The following DCAF6 variants were observed in gnomAD, a reference collection of about 807,000 sequenced individuals.
The protein encoded by DCAF6 is DDB1- and CUL4-associated factor 6.
DCAF6 carries 54 observed loss-of-function variants against 125.1 expected under a neutral mutation model. The ratio of observed to expected loss-of-function variants is 0.43; its 90% CI spans 0.35 to 0.54. DCAF6 has a LOEUF of 0.54. DCAF6 is among the 20% of genes least tolerant of loss of function. DCAF6 has a pLI of 0.01. For missense variants in DCAF6, 934 were observed against 1,161.7 expected (o/e 0.80, Z 2.85); for synonymous variants, 371 against 390.4 (o/e 0.95, Z 0.58).
At chr1:167,985,206 T>TGTGTGG (rs1553223574) in intron 4 of DCAF6, among the ~76,000 whole-genome samples, 1 of 146,392 alleles carries the variant, frequency 6.8e-6, no homozygotes, top group Non-Finnish European at 1.5e-5. Context: ...TGTGTGTGTG[T>TGTGTGG]GTGTGGTGTG....
intron 18 of DCAF6, among the ~76,000 whole-genome samples, chr1:168,064,716 G>A (rs927339492): frequency 1.3e-5 from 2 of 152,120 alleles, no homozygotes; most frequent in African/African-American, 4.8e-5. Flanking sequence ...AAATTTAACA[G>A]TAGCTCAGAT....
At chr1:167,937,166 G>C (rs1019780015) in intron 1 of DCAF6, 158 bp downstream of exon 1, 1 of 645,708 alleles carries the variant, frequency 1.5e-6, no homozygotes, top group Non-Finnish European at 2.8e-6. Context: ...TTCCGTGCCG[G>C]TGCCTCCCCC....
Position 167,936,806 on chromosome 1 carries a change from C to T in DCAF6, c.-106C>T. The T allele has an allele frequency of 2.9e-6, 3 of 1,034,058 alleles. No individual in the cohort carries two copies. Among genetic ancestry groups the T allele is most frequent in the Non-Finnish European group, 4.3e-6 (3 of 698,666 alleles). 64.1% of individuals were successfully genotyped at this position (1,034,058 alleles called of 1,614,324 possible). On this transcript the variant is annotated 5_prime_UTR_variant, in exon 1 of 22. Transcript: ENST00000367840. Reference sequence around the variant, plus strand: ...CTAACGCTGCGCCCTGGAGGCCCGGCGCGCGGATGGTGCCGGTGCGGCTCG... The same window carrying T: ...CTAACGCTGCGCCCTGGAGGCCCGGTGCGCGGATGGTGCCGGTGCGGCTCG...
In DCAF6 at chr1:168,066,369, A is replaced by G. The variant is rs761131701; in HGVS notation, c.2597-8A>G. ...GGCTTCATATTAATATATAAATTTT[A>G]TTTCTAGTTTTAGCCTCATCTGGCA... On this transcript the variant is annotated splice_region_variant and splice_polypyrimidine_tract_variant and intron_variant, in intron 19 of 21. Coordinates refer to ENST00000367840, the MANE Select transcript of DCAF6 (RefSeq NM_001198956.2). 3 of 1,558,048 alleles carry G rather than the reference A, an allele frequency of 1.9e-6. No homozygotes were observed. The South Asian group carries it at 3.5e-5, about 18-fold the overall frequency.
chr1:167,912,459 A>T, the DCAF6 span, among the ~76,000 whole-genome samples: 70 of 152,228 alleles, frequency 4.6e-4, 2 homozygotes, highest in Admixed American at 4.6e-3. Context: ...CTGCATTTGC[A>T]TATTAAAAGG....
chr1:168,063,717 A>C lies in DCAF6; in HGVS notation c.2397A>C (p.Leu799=), dbSNP rs763591110. The C allele has an allele frequency of 1.2e-6, 2 of 1,606,206 alleles. No homozygotes were observed. Among genetic ancestry groups the C allele is most frequent in the Non-Finnish European group, 1.7e-6 (2 of 1,177,232 alleles). ...ELDTLNIRRP[L]VKMVYKGHRN... is the part of the protein sequence containing the mutation. ...ATACTTTGAACATTAGAAGGCCGCT[A>C]GTAAAAATGGTTTATAAAGGCCATC... Residue 799 remains leucine, a synonymous_variant, in exon 18 of 22, where the codon CTA becomes CTC. Transcript: ENST00000367840.
chr1:167,892,703 T>C, the DCAF6 span, among the ~76,000 whole-genome samples: 1 of 152,186 alleles, frequency 6.6e-6, no homozygotes, highest in Non-Finnish European at 1.5e-5. Flanking sequence ...GGGTGCATTC[T>C]GATACCTCTC....
At chr1:167,935,746 G>A (rs1310116715), upstream of DCAF6, 1 of 1,562,548 alleles carries the variant, frequency 6.4e-7, no homozygotes, top group South Asian at 1.2e-5. Flanking sequence ...CTGGATGGTT[G>A]TACAACGGCC....
Position 168,004,546 on chromosome 1 carries a change from A to G in DCAF6, c.1131A>G (p.Gln377=), listed in dbSNP as rs150490314. The G allele has an allele frequency of 9.9e-6, 16 of 1,612,958 alleles. No homozygotes were observed. The highest frequency in any genetic ancestry group is 5.3e-5 in the African/African-American group (4 of 74,916). ...TGTGTTTTGAAGGTGGAACAAGTCA[A>G]TCAGATATTTCAACTCTTCCTACGG... The part of the protein sequence containing the change: ...GRSRPRGGTS[Q]SDISTLPTVP... The change falls in exon 10 of 22, where the codon CAA becomes CAG. Residue 377 remains glutamine, a synonymous_variant. Coordinates refer to ENST00000367840, the MANE Select transcript of DCAF6 (RefSeq NM_001198956.2).
intron 3 of DCAF6, among the ~76,000 whole-genome samples, chr1:167,973,932 C>T (rs1677740362): frequency 6.6e-6 from 1 of 152,104 alleles, no homozygotes; most frequent in South Asian, 2.1e-4. Context: ...AGAGTAAGCA[C>T]ATACGTAGTT....
At chr1:167,931,573 ATATCT>A (rs1670912296), upstream of DCAF6, among the ~76,000 whole-genome samples, 1 of 151,984 alleles carries the variant, frequency 6.6e-6, no homozygotes, top group Non-Finnish European at 1.5e-5. Context: ...ACATATATTA[ATATCT>A]TAGACTGGCA....
chr1:167,956,300 T>A (rs1571654182), intron 2 of DCAF6, among the ~76,000 whole-genome samples: 1 of 152,342 alleles, frequency 6.6e-6, no homozygotes, highest in South Asian at 2.1e-4. Flanking sequence ...TTGTTTAATA[T>A]GTGTGCTTCA....
At chr1:167,973,927 AAGCACATACGT>A (rs1246877966) in intron 3 of DCAF6, among the ~76,000 whole-genome samples, 1 of 152,188 alleles carries the variant, frequency 6.6e-6, no homozygotes, top group African/African-American at 2.4e-5. Flanking sequence ...GTCAAAGAGT[AAGCACATACGT>A]AGTTTTGTGA....
chr1:167,987,552 G>C lies in DCAF6; in HGVS notation c.496G>C (p.Val166Leu). The C allele has an allele frequency of 6.2e-7, 1 of 1,609,138 alleles. No homozygotes were observed. The highest frequency in any genetic ancestry group is 8.5e-7 in the Non-Finnish European group (1 of 1,177,016). Residue 166 changes from valine to leucine, a missense_variant, in exon 5 of 22, where the codon GTT (valine) becomes CTT (leucine). Coordinates refer to ENST00000367840, the MANE Select transcript of DCAF6 (RefSeq NM_001198956.2). ...TCTCTCTTGTGGTGAAGATGGAACT[G>C]TTAGGTGGTTTGATACACGCATCAA... ...TFLSCGEDGT[V>L]RWFDTRIKTS...
the DCAF6 span, among the ~76,000 whole-genome samples, chr1:167,887,249 A>T: frequency 6.6e-6 from 1 of 152,248 alleles, no homozygotes; most frequent in Non-Finnish European, 1.5e-5. Context: ...ATGCACATGT[A>T]TGTTTATTGT....
intron 17 of DCAF6, among the ~76,000 whole-genome samples, chr1:168,057,098 C>T (rs2101907644): frequency 6.6e-6 from 1 of 152,152 alleles, no homozygotes. Context: ...CTGTTTTTTC[C>T]ACCCTAAAAA....
chr1:168,016,009 T>G (rs983624609), intron 11 of DCAF6, 58 bp downstream of exon 11: 4 of 1,338,508 alleles, frequency 3.0e-6, no homozygotes, highest in Non-Finnish European at 3.9e-6. Context: ...ATACTGCTAC[T>G]GTGTAATAAG....
At chr1:167,944,992 G>C (rs1466090394) in intron 1 of DCAF6, among the ~76,000 whole-genome samples, 1 of 152,176 alleles carries the variant, frequency 6.6e-6, no homozygotes, top group Non-Finnish European at 1.5e-5. Flanking sequence ...TTTCCACAGT[G>C]TATGTTCTTG....
the DCAF6 span, among the ~76,000 whole-genome samples, chr1:167,865,872 G>A: frequency 2.2e-3 from 338 of 152,314 alleles, 2 homozygotes; most frequent in Non-Finnish European, 4.1e-3. Flanking sequence ...GGCGTGGGCT[G>A]CATGGTAGCT....
Sources: allele counts gnomAD v4.1 joint callset (sites outside exome capture counted in the v4.1 genomes callset), GRCh38; gene constraint gnomAD v4.1.1; transcripts MANE v1.5; gene names NCBI Gene and HGNC (gene_info 2026-07-23, HGNC 2026-07-21).